RPS6KA2: variants seen among roughly 807,000 people sequenced by gnomAD.
RPS6KA2 encodes ribosomal protein S6 kinase A2, also known as ribosomal protein S6 kinase alpha-2.
Under a neutral mutation model 91.8 loss-of-function variants are expected in RPS6KA2, and 42 were observed. The observed-to-expected ratio is 0.46, with a 90% CI of 0.36 to 0.59. The LOEUF (loss-of-function observed/expected upper bound fraction) is 0.59. Ranked by LOEUF, RPS6KA2 falls within the 20% of genes least tolerant of loss-of-function variation. RPS6KA2 has a pLI of 0.00. For missense variants in RPS6KA2, 798 were observed against 978.5 expected, an observed-to-expected ratio of 0.82 and a Z score of 2.46; for synonymous variants, 414 against 393.6, an observed-to-expected ratio of 1.05 and a Z score of -0.61.
intron 11 of RPS6KA2, among the ~76,000 whole-genome samples, chr6:166,461,663 T>C (rs1780312530): frequency 1.3e-5 from 2 of 152,020 alleles, no homozygotes; most frequent in African/African-American, 4.8e-5. Flanking sequence ...GCCTCCTACT[T>C]TTATTATGAG....
intron 8 of RPS6KA2, among the ~76,000 whole-genome samples, chr6:166,496,145 G>A (rs1227530685): frequency 6.6e-6 from 1 of 152,158 alleles, no homozygotes; most frequent in Non-Finnish European, 1.5e-5. Context: ...GAGCTTGGGG[G>A]TTCAAGACCA....
intron 2 of RPS6KA2, among the ~76,000 whole-genome samples, chr6:166,791,441 C>T (rs1779086097): frequency 6.6e-6 from 1 of 152,168 alleles, no homozygotes; most frequent in African/African-American, 2.4e-5. Context: ...CCACTGTTAA[C>T]ATTAGACAAG....
At chr6:166,641,715 G>A (rs1787438550) in intron 2 of RPS6KA2, among the ~76,000 whole-genome samples, 1 of 27,164 alleles carries the variant, frequency 3.7e-5, no homozygotes, top group Non-Finnish European at 6.9e-5. Flanking sequence ...GTGAGACTCT[G>A]TCACAAAAAA....
At chr6:166,731,302 T>C (rs538369249) in intron 2 of RPS6KA2, among the ~76,000 whole-genome samples, 23 of 152,238 alleles carry the variant, frequency 1.5e-4, no homozygotes, top group Non-Finnish European at 2.5e-4. Context: ...GAGGCAAGTA[T>C]GTTCGTTGGG....
intron 2 of RPS6KA2, among the ~76,000 whole-genome samples, chr6:166,815,590 A>G (rs1099650): frequency 0.7 from 106,671 of 152,144 alleles, 38,243 homozygotes; most frequent in East Asian, 0.92. Flanking sequence ...TGATGTGCAA[A>G]GGAAAAATTC....
At chr6:166,858,347 T>A in intron 1 of RPS6KA2, 1 of 701,320 alleles carries the variant, frequency 1.4e-6, no homozygotes, top group Non-Finnish European at 2.5e-6. Flanking sequence ...GAAAAAGTAC[T>A]AACTAAATAT....
intron 2 of RPS6KA2, among the ~76,000 whole-genome samples, chr6:166,637,837 C>A (rs886859966): frequency 6.6e-6 from 1 of 152,242 alleles, no homozygotes; most frequent in Non-Finnish European, 1.5e-5. Flanking sequence ...CGTGTCTCAG[C>A]CGTGGGGGCC....
In RPS6KA2 at chr6:166,476,500, C is replaced by T. The variant is rs143916058; in HGVS notation, c.908-6595G>A. On this transcript the variant is annotated intron_variant, in intron 10 of 20. Coordinates refer to ENST00000265678, the MANE Select transcript of RPS6KA2 (RefSeq NM_021135.6). ...GTGCGCACACAGAGGGCACATTTTT[C>T]CTTTGATTTCCTAATTTCTAGCTTA... 2.2e-4 allele frequency among the ~76,000 whole-genome samples: 34 copies of T among 152,278 alleles called. No homozygotes were observed. In the East Asian group the frequency reaches 6.0e-3, roughly 27 times the overall value.
intron 2 of RPS6KA2, among the ~76,000 whole-genome samples, chr6:166,844,417 AG>A (rs757358546): frequency 8.5e-5 from 13 of 152,214 alleles, no homozygotes; most frequent in Non-Finnish European, 1.8e-4. Context: ...AGAAGCTCAA[AG>A]AACATCTGGG....
chr6:166,748,140 C>T (rs1432065929), intron 2 of RPS6KA2, among the ~76,000 whole-genome samples: 2 of 152,172 alleles, frequency 1.3e-5, no homozygotes, highest in Non-Finnish European at 2.9e-5. Context: ...ACTTTAGAAC[C>T]ATGCGAAGAG....
At chr6:166,746,225 C>T (rs62438703) in intron 2 of RPS6KA2, among the ~76,000 whole-genome samples, 10 of 152,282 alleles carry the variant, frequency 6.6e-5, no homozygotes, top group Non-Finnish European at 1.3e-4. Context: ...AGAACAACAC[C>T]GAGCTTTCCT....
At chr6:166,502,426 C>A (rs559784392) in intron 6 of RPS6KA2, among the ~76,000 whole-genome samples, 1 of 152,330 alleles carries the variant, frequency 6.6e-6, no homozygotes, top group East Asian at 1.9e-4. Context: ...TCTAGTTGAA[C>A]AACACAACCT....
At chr6:166,771,810 G>C (rs1486334938) in intron 2 of RPS6KA2, among the ~76,000 whole-genome samples, 1 of 152,190 alleles carries the variant, frequency 6.6e-6, no homozygotes, top group Non-Finnish European at 1.5e-5. Flanking sequence ...GGCCTCTGCT[G>C]CCTCACATGG....
At chr6:166,708,425 G>C (rs1789750491) in intron 2 of RPS6KA2, among the ~76,000 whole-genome samples, 1 of 152,168 alleles carries the variant, frequency 6.6e-6, no homozygotes, top group Admixed American at 6.5e-5. Flanking sequence ...ACCTGGACTT[G>C]ACACAGAAAA....
upstream of RPS6KA2, chr6:166,627,755 T>C (rs759732853): frequency 6.6e-6 from 1 of 152,260 alleles, no homozygotes; most frequent in East Asian, 1.9e-4. Flanking sequence ...TTCTTCCAGC[T>C]TGGGGCCGTC....
chr6:166,786,964 T>C (rs954918661), intron 2 of RPS6KA2, among the ~76,000 whole-genome samples: 19 of 152,198 alleles, frequency 1.2e-4, no homozygotes, highest in African/African-American at 4.6e-4. Context: ...GGGTTTTAAA[T>C]GGCCTTCCCA....
At chr6:166,806,647 T>C (rs766746182) in intron 2 of RPS6KA2, among the ~76,000 whole-genome samples, 1 of 152,176 alleles carries the variant, frequency 6.6e-6, no homozygotes, top group Non-Finnish European at 1.5e-5. Context: ...TCCTGAAGAT[T>C]GAAATGAAAG....
intron 2 of RPS6KA2, among the ~76,000 whole-genome samples, chr6:166,771,782 C>T (rs1216627827): frequency 1.3e-5 from 2 of 152,234 alleles, no homozygotes; most frequent in Non-Finnish European, 2.9e-5. Context: ...TGAAATGAGG[C>T]TAACAGGAGA....
intron 2 of RPS6KA2, among the ~76,000 whole-genome samples, chr6:166,532,378 C>T (rs1783311960): frequency 6.6e-6 from 1 of 152,144 alleles, no homozygotes; most frequent in Admixed American, 6.5e-5. Flanking sequence ...GGAGCAGGGG[C>T]TGCTAGGGCA....
Sources: allele counts gnomAD v4.1 joint callset (sites outside exome capture counted in the v4.1 genomes callset), GRCh38; gene constraint gnomAD v4.1.1; transcripts MANE v1.5; gene names NCBI Gene and HGNC (gene_info 2026-07-23, HGNC 2026-07-21).